Variants in PRKAA2 observed in about 807,000 individuals in gnomAD.
The protein encoded by PRKAA2 is protein kinase AMP-activated catalytic subunit alpha 2, also known as 5'-AMP-activated protein kinase catalytic subunit alpha-2.
PRKAA2 carries 40 observed loss-of-function variants against 56.3 expected under a neutral mutation model. The observed-to-expected ratio is 0.71, with a 90% CI of 0.55 to 0.92. PRKAA2 has a LOEUF of 0.92. Among genes scored for constraint, PRKAA2 ranks in the 40% least tolerant of loss-of-function variants. The pLI is 0.00. For synonymous variants in PRKAA2, 214 were observed against 234.2 expected, an observed-to-expected ratio of 0.91 and a Z score of 0.79; for missense variants, 542 against 686.9, an observed-to-expected ratio of 0.79 and a Z score of 2.36.
At chr1:56,691,520 C>G in intron 3 of PRKAA2, 33 bp downstream of exon 3, 1 of 1,509,058 alleles carries the variant, frequency 6.6e-7, no homozygotes, top group Non-Finnish European at 9.1e-7. Context: ...CACTAAATCT[C>G]TAAACTAATA....
At chr1:56,647,208 G>C (rs559438387) in intron 1 of PRKAA2, among the ~76,000 whole-genome samples, 1 of 152,216 alleles carries the variant, frequency 6.6e-6, no homozygotes, top group African/African-American at 2.4e-5. Context: ...GGACAATCCA[G>C]GGATTGGATT....
intron 1 of PRKAA2, among the ~76,000 whole-genome samples, chr1:56,657,048 C>T (rs980723694): frequency 1.3e-5 from 2 of 152,128 alleles, no homozygotes; most frequent in African/African-American, 4.8e-5. Flanking sequence ...GATTCAGAAG[C>T]CCCCAGCAGA....
At position 56,714,499 on chromosome 1, in the gene PRKAA2, T is replaced by C. The variant is rs953073434; in HGVS notation, c.*6786T>C. On this transcript the variant is annotated 3_prime_UTR_variant, in exon 9 of 9. Transcript: ENST00000371244. ...AAGATCACAGTTTCACAAATTGTGG[T>C]GTTGTTAGGTGACATTTAATATTTC... 1 of 152,162 alleles carries C rather than the reference T, an allele frequency of 6.6e-6. No individual in the cohort carries two copies. The highest frequency in any genetic ancestry group is 1.5e-5 in the Non-Finnish European group (1 of 68,002). 9.4% of individuals were successfully genotyped at this position (152,162 alleles called of 1,614,324 possible).
chr1:56,665,813 A>G (rs149980626), intron 1 of PRKAA2, among the ~76,000 whole-genome samples: 13 of 152,214 alleles, frequency 8.5e-5, no homozygotes, highest in African/African-American at 3.1e-4. Context: ...GCACCTTTTC[A>G]TGTTTATTGA....
chr1:56,648,158 G>A (rs1231481730), intron 1 of PRKAA2, among the ~76,000 whole-genome samples: 1 of 152,146 alleles, frequency 6.6e-6, no homozygotes, highest in Non-Finnish European at 1.5e-5. Flanking sequence ...CATCATTATA[G>A]ATAGGTTTTA....
chr1:56,691,787 G>A (rs575897826), intron 3 of PRKAA2, among the ~76,000 whole-genome samples: 1 of 152,154 alleles, frequency 6.6e-6, no homozygotes, highest in African/African-American at 2.4e-5. Flanking sequence ...CATATGTTCT[G>A]TTTTAGTTTG....
intron 1 of PRKAA2, among the ~76,000 whole-genome samples, chr1:56,649,916 G>A (rs182872247): frequency 1.1e-3 from 173 of 152,236 alleles, no homozygotes; most frequent in African/African-American, 3.7e-3. Context: ...CTAACATGGT[G>A]AAACCTCATC....
chr1:56,661,735 C>T (rs1643996122), intron 1 of PRKAA2, among the ~76,000 whole-genome samples: 1 of 151,822 alleles, frequency 6.6e-6, no homozygotes, highest in Non-Finnish European at 1.5e-5. Context: ...TCTACTGTCA[C>T]ATTTCAGATT....
At chr1:56,700,474 G>A (rs1005287755) in intron 6 of PRKAA2, among the ~76,000 whole-genome samples, 2 of 151,986 alleles carry the variant, frequency 1.3e-5, no homozygotes, top group Non-Finnish European at 2.9e-5. Context: ...TTTGTTTCTG[G>A]CCTTTCTGAG....
intron 1 of PRKAA2, among the ~76,000 whole-genome samples, chr1:56,654,611 A>C (rs1643926453): frequency 6.6e-6 from 1 of 152,120 alleles, no homozygotes. Context: ...TCAGGCTTTT[A>C]TTTTTATCTG....
At chr1:56,678,056 G>C (rs994645903) in intron 2 of PRKAA2, among the ~76,000 whole-genome samples, 1 of 152,100 alleles carries the variant, frequency 6.6e-6, no homozygotes. Context: ...GTCTCATCCT[G>C]ATTATTTAAT....
At chr1:56,677,537 C>T (rs1191701587) in intron 2 of PRKAA2, among the ~76,000 whole-genome samples, 1 of 152,176 alleles carries the variant, frequency 6.6e-6, no homozygotes, top group African/African-American at 2.4e-5. Flanking sequence ...GGAAATTTTA[C>T]CCGTTTGGGT....
rs1644397091 is a variant in PRKAA2 at position 56,715,103 on chromosome 1, T to C, written c.*7390T>C. The C allele has an allele frequency of 6.6e-6, 1 of 152,182 alleles. No individual in the cohort carries two copies. Among genetic ancestry groups the C allele is most frequent in the African/African-American group, 2.4e-5 (1 of 41,448 alleles). 9.4% of individuals were successfully genotyped at this position (152,182 alleles called of 1,614,324 possible). A position where few individuals can be genotyped will look rare whatever the true frequency, so the allele number is the denominator to read the frequency against. ...TCAAATTTCAGTTTTGTTTGTTATA[T>C]ACTTTTTGTGAGTGTTAAATGATAT... On this transcript the variant is annotated 3_prime_UTR_variant, in exon 9 of 9. Coordinates refer to ENST00000371244, the MANE Select transcript of PRKAA2 (RefSeq NM_006252.4).
At chr1:56,663,435 C>T (rs1180745222) in intron 1 of PRKAA2, among the ~76,000 whole-genome samples, 1 of 152,198 alleles carries the variant, frequency 6.6e-6, no homozygotes, top group African/African-American at 2.4e-5. Context: ...GGACCACTTC[C>T]ACCTCTTGGT....
chr1:56,677,735 C>T (rs147608227), intron 2 of PRKAA2, among the ~76,000 whole-genome samples: 2 of 151,454 alleles, frequency 1.3e-5, no homozygotes, highest in African/African-American at 4.9e-5. Flanking sequence ...TGGCTCACTG[C>T]AACCTTCGCT....
Position 56,711,147 on chromosome 1 carries a change from G to T in PRKAA2, c.*3434G>T, listed in dbSNP as rs1473044977. 6.6e-6 allele frequency: 1 copy of T among 152,018 alleles called. No individual in the cohort carries two copies. Among genetic ancestry groups the T allele is most frequent in the Non-Finnish European group, 1.5e-5 (1 of 67,952 alleles). 9.4% of individuals were successfully genotyped at this position (152,018 alleles called of 1,614,324 possible). On this transcript the variant is annotated 3_prime_UTR_variant, in exon 9 of 9. Transcript: ENST00000371244. ...GAAATAATTATATTTCTATGTCAGG[G>T]TATTGGCTATATGTAGCATGAACAA...
chr1:56,706,932 C>A (rs1417628997), intron 8 of PRKAA2, among the ~76,000 whole-genome samples: 2 of 152,090 alleles, frequency 1.3e-5, no homozygotes, highest in Non-Finnish European at 2.9e-5. Flanking sequence ...ATATGGATCC[C>A]AGACCTGTTT....
chr1:56,701,619 G>A (rs755745997), intron 6 of PRKAA2, among the ~76,000 whole-genome samples: 7 of 152,112 alleles, frequency 4.6e-5, no homozygotes, highest in South Asian at 2.1e-4. Context: ...AGTTGTCGCC[G>A]GGCGCGGTGG....
chr1:56,714,505 T>C lies in PRKAA2; in HGVS notation c.*6792T>C, dbSNP rs1414965013. The C allele has an allele frequency of 6.6e-6, 1 of 152,176 alleles. No homozygotes were observed. Among genetic ancestry groups the C allele is most frequent in the Non-Finnish European group, 1.5e-5 (1 of 68,004 alleles). 9.4% of individuals were successfully genotyped at this position (152,176 alleles called of 1,614,324 possible). A position where few individuals can be genotyped will look rare whatever the true frequency, so the allele number is the denominator to read the frequency against. On this transcript the variant is annotated 3_prime_UTR_variant, in exon 9 of 9. Coordinates refer to ENST00000371244, the MANE Select transcript of PRKAA2 (RefSeq NM_006252.4). The stretch of plus-strand genomic sequence containing the variant: ...ACAGTTTCACAAATTGTGGTGTTGT[T>C]AGGTGACATTTAATATTTCTTGAGA...
Sources: allele counts gnomAD v4.1 joint callset (sites outside exome capture counted in the v4.1 genomes callset), GRCh38; gene constraint gnomAD v4.1.1; transcripts MANE v1.5; gene names NCBI Gene and HGNC (gene_info 2026-07-23, HGNC 2026-07-21).